The following CFAP61 variants were observed in gnomAD, a reference collection of about 807,000 sequenced individuals.
CFAP61 encodes cilia and flagella associated protein 61.
A neutral mutation model predicts 135.6 loss-of-function variants in CFAP61; 107 were observed. The observed-to-expected ratio is 0.79, with a 90% CI of 0.67 to 0.93. CFAP61 has a LOEUF of 0.93. CFAP61 is among the 40% of genes least tolerant of loss of function. CFAP61 has a pLI of 0.00. For synonymous variants in CFAP61, 575 were observed against 578.5 expected (o/e 0.99, Z 0.09); for missense variants, 1,507 against 1,556.2 (o/e 0.97, Z 0.53).
chr20:20,196,028 C>T (rs989367948), intron 15 of CFAP61, among the ~76,000 whole-genome samples: 2 of 152,256 alleles, frequency 1.3e-5, no homozygotes, highest in African/African-American at 2.4e-5. Context: ...TTGCAGTGAG[C>T]GAAGATCGCG....
At chr20:20,258,034 T>G (rs1301509634) in intron 20 of CFAP61, among the ~76,000 whole-genome samples, 1 of 152,172 alleles carries the variant, frequency 6.6e-6, no homozygotes, top group Non-Finnish European at 1.5e-5. Context: ...TAAACCAGAA[T>G]GACATAAGGA....
intron 7 of CFAP61, among the ~76,000 whole-genome samples, chr20:20,096,341 T>C (rs373018744): frequency 1.3e-5 from 2 of 152,256 alleles, no homozygotes; most frequent in East Asian, 1.9e-4. Flanking sequence ...CAACCCTGGA[T>C]GAATGATGGG....
intron 11 of CFAP61, among the ~76,000 whole-genome samples, chr20:20,165,039 G>T (rs572661747): frequency 6.6e-6 from 1 of 152,152 alleles, no homozygotes; most frequent in Non-Finnish European, 1.5e-5. Flanking sequence ...CCCACAACAC[G>T]TGGGAATTAT....
intron 8 of CFAP61, among the ~76,000 whole-genome samples, chr20:20,137,065 G>C (rs2146735078): frequency 6.6e-6 from 1 of 152,316 alleles, no homozygotes; most frequent in African/African-American, 2.4e-5. Context: ...TGGATTACCA[G>C]GCAGAGACTC....
At chr20:20,292,901 C>T (rs1318835851) in intron 24 of CFAP61, among the ~76,000 whole-genome samples, 1 of 152,130 alleles carries the variant, frequency 6.6e-6, no homozygotes, top group African/African-American at 2.4e-5. Context: ...ACAGCAACCA[C>T]CGAGATTCAA....
Position 20,090,824 on chromosome 20 carries a change from T to G in CFAP61, c.567-20T>G. The G allele has an allele frequency of 6.2e-7, 1 of 1,613,084 alleles. No individual in the cohort carries two copies. The highest frequency in any genetic ancestry group is 8.5e-7 in the Non-Finnish European group (1 of 1,179,352). ...AAAATGAGTGAACGAACACTGAACTTCAGCCTTTCTATTAAACAGGGTGGA... is the reference window on the plus strand; with the variant it reads ...AAAATGAGTGAACGAACACTGAACTGCAGCCTTTCTATTAAACAGGGTGGA... On this transcript the variant is annotated intron_variant, in intron 6 of 26. Transcript: ENST00000245957.
chr20:20,187,070 G>C (rs1304704863), intron 13 of CFAP61, among the ~76,000 whole-genome samples: 2 of 152,162 alleles, frequency 1.3e-5, no homozygotes, highest in Non-Finnish European at 2.9e-5. Context: ...ATGGGTAGGA[G>C]GTCCACACTG....
At chr20:20,354,820 CTG>C (rs1305446391) in intron 26 of CFAP61, among the ~76,000 whole-genome samples, 3 of 144,256 alleles carry the variant, frequency 2.1e-5, no homozygotes, top group Non-Finnish European at 4.5e-5. Context: ...GGTGGTCACA[CTG>C]TGAGAGAAAA....
In CFAP61 at chr20:20,158,241, TA is replaced by T. The variant is rs550360125; in HGVS notation, c.952-1121del. ...ATGTACCCTAAAACTTAAAGTATAT[TA>T]AAAAAAATAGATTAAAACAAATATC... On this transcript the variant is annotated intron_variant, in intron 9 of 26. Transcript: ENST00000245957. 2.2e-4 allele frequency among the ~76,000 whole-genome samples: 31 copies of T among 139,674 alleles called. 1 individual carries two copies. Among genetic ancestry groups the T allele is most frequent in the Admixed American group, 9.1e-4 (12 of 13,158 alleles). The allele number at this position is 139,674 out of a possible 152,430, so 91.6% of individuals were successfully genotyped here.
At chr20:20,328,595 G>A (rs572887137) in intron 25 of CFAP61, among the ~76,000 whole-genome samples, 21 of 152,146 alleles carry the variant, frequency 1.4e-4, no homozygotes, top group Non-Finnish European at 2.2e-4. Flanking sequence ...AAAAAAAAAG[G>A]CAACCTATGA....
At chr20:20,113,265 T>C (rs942119202) in intron 8 of CFAP61, among the ~76,000 whole-genome samples, 1 of 152,208 alleles carries the variant, frequency 6.6e-6, no homozygotes, top group Non-Finnish European at 1.5e-5. Flanking sequence ...CCCAGTTCAC[T>C]GTGGTCTTAT....
At chr20:20,292,521 G>A (rs1027304408) in intron 24 of CFAP61, among the ~76,000 whole-genome samples, 1 of 152,232 alleles carries the variant, frequency 6.6e-6, no homozygotes, top group African/African-American at 2.4e-5. Context: ...AATTTGGACA[G>A]GGCACAGTGG....
chr20:20,113,966 CAA>C (rs11456473), intron 8 of CFAP61, among the ~76,000 whole-genome samples: 60 of 94,544 alleles, frequency 6.3e-4, no homozygotes, highest in Non-Finnish European at 6.5e-4. Flanking sequence ...CATGAGAGCT[CAA>C]AAAAAAAAAA....
intron 13 of CFAP61, among the ~76,000 whole-genome samples, chr20:20,176,667 G>A (rs186538991): frequency 2.6e-4 from 39 of 152,222 alleles, no homozygotes; most frequent in Admixed American, 9.2e-4. Context: ...GAGAACACAT[G>A]AACACATGCG....
intron 20 of CFAP61, chr20:20,253,487 G>T: frequency 2.4e-6 from 1 of 410,980 alleles, no homozygotes; most frequent in South Asian, 1.9e-5. Context: ...ACACATCTTG[G>T]GTACTTTGTT....
At chr20:20,053,326 A>G (rs1192263764) in intron 1 of CFAP61, among the ~76,000 whole-genome samples, 1 of 152,228 alleles carries the variant, frequency 6.6e-6, no homozygotes, top group African/African-American at 2.4e-5. Context: ...GCTTCCTGCT[A>G]TCAATTATTG....
intron 20 of CFAP61, among the ~76,000 whole-genome samples, chr20:20,254,210 A>G (rs1317077454): frequency 4.8e-5 from 6 of 124,884 alleles, no homozygotes; most frequent in Non-Finnish European, 8.3e-5. Flanking sequence ...TCTCCTCTCA[A>G]TTCTCAAAGG....
intron 26 of CFAP61, among the ~76,000 whole-genome samples, chr20:20,357,074 T>A (rs1221701626): frequency 2.0e-5 from 2 of 100,004 alleles, no homozygotes; most frequent in Non-Finnish European, 2.2e-5. Context: ...GTGGTCACAC[T>A]GAGAGGAGGT....
rs11476115 is a variant in CFAP61 at position 20,331,428 on chromosome 20, G to GA, written c.3423-10390dup. On this transcript the variant is annotated intron_variant, in intron 25 of 26. Transcript: ENST00000245957. Reference sequence around the variant, plus strand: ...TATTATTCTCTCTGTAAAAGCTTTAGAAAAAAAAAAAAAGGAACACATTAA... The same window carrying GA: ...TATTATTCTCTCTGTAAAAGCTTTAGAAAAAAAAAAAAAAGGAACACATTAA... Among the ~76,000 whole-genome samples the GA allele has an allele frequency of 5.0e-3, 724 of 144,688 alleles. 4 individuals are homozygous for GA. The highest frequency in any genetic ancestry group is 0.013 in the African/African-American group (497 of 39,454). 94.9% of individuals were successfully genotyped at this position (144,688 alleles called of 152,430 possible).
Sources: gnomAD v4.1 joint callset for allele counts (sites outside exome capture counted in the v4.1 genomes callset) on GRCh38, gnomAD v4.1.1 for gene constraint, MANE v1.5 for transcripts, NCBI Gene and HGNC (gene_info 2026-07-23, HGNC 2026-07-21) for gene names.